The following VMP1 variants were observed in gnomAD, a reference collection of about 807,000 sequenced individuals.
VMP1 encodes the protein ectopic P-granules autophagy protein 3 homolog.
VMP1 carries 11 observed loss-of-function variants against 56.0 expected under a neutral mutation model. The ratio of observed to expected loss-of-function variants is 0.20; its 90% CI spans 0.12 to 0.32. The LOEUF is 0.32. VMP1 is among the 10% of genes least tolerant of loss of function. The pLI, the probability that VMP1 is intolerant of heterozygous loss-of-function variation, is 1.00. For synonymous variants in VMP1, 149 were observed against 165.0 expected (o/e 0.90, Z 0.74); for missense variants, 296 against 490.3 (o/e 0.60, Z 3.74).
chr17:59,744,360 G>C (rs2035340911), intron 5 of VMP1, among the ~76,000 whole-genome samples: 1 of 150,726 alleles, frequency 6.6e-6, no homozygotes. Context: ...TACTCAGGAG[G>C]CTGAGGCAGG....
At chr17:59,786,384 C>T (rs1663179479) in intron 7 of VMP1, among the ~76,000 whole-genome samples, 1 of 152,152 alleles carries the variant, frequency 6.6e-6, no homozygotes, top group African/African-American at 2.4e-5. Flanking sequence ...GAAGTGTGTG[C>T]GGTTGCAGTT....
rs754107076 is a variant in VMP1 at position 59,841,912 on chromosome 17, A to G, written c.*2001A>G. 1.3e-5 allele frequency: 2 copies of G among 152,238 alleles called. No individual in the cohort carries two copies. Among genetic ancestry groups the G allele is most frequent in the African/African-American group, 4.8e-5 (2 of 41,456 alleles). 9.4% of individuals were successfully genotyped at this position (152,238 alleles called of 1,614,324 possible). The stretch of plus-strand genomic sequence containing the variant: ...ATTTTGTTTCCTAGGTTGAAGGTCT[A>G]ATTGATACGTTTGACTTATGATGAC... On this transcript the variant is annotated 3_prime_UTR_variant, in exon 12 of 12. Transcript: ENST00000262291.
At position 59,738,963 on chromosome 17, in the gene VMP1, T is replaced by C. The variant is rs2035113391; in HGVS notation, c.414+16T>C. Reference sequence around the variant, plus strand: ...GCTTTATCTGGTAAGAATAATTTTATTTTAATAAGCAAAAATGATATTTCC... The same window carrying C: ...GCTTTATCTGGTAAGAATAATTTTACTTTAATAAGCAAAAATGATATTTCC... On this transcript the variant is annotated intron_variant, in intron 5 of 11. Coordinates refer to ENST00000262291, the MANE Select transcript of VMP1 (RefSeq NM_030938.5). 1 of 1,538,568 alleles carries C rather than the reference T, an allele frequency of 6.5e-7. No homozygotes were observed. Among genetic ancestry groups the C allele is most frequent in the Middle Eastern group, 1.7e-4 (1 of 5,836 alleles).
chr17:59,760,808 A>T (rs572663813), intron 5 of VMP1, among the ~76,000 whole-genome samples: 80 of 152,052 alleles, frequency 5.3e-4, no homozygotes, highest in African/African-American at 1.9e-3. Context: ...TTTAGTAGGG[A>T]TGGGGTTTCA....
At chr17:59,793,924 CT>C (rs1382470222) in intron 7 of VMP1, among the ~76,000 whole-genome samples, 7 of 148,774 alleles carry the variant, frequency 4.7e-5, no homozygotes, top group South Asian at 4.3e-4. Context: ...CGCATTTGCC[CT>C]TTTTTTGTTT....
At chr17:59,838,100 CTTTTTT>C (rs371074488) in intron 10 of VMP1, 189 bp from the exon 11 acceptor site, 15 of 129,336 alleles carry the variant, frequency 1.2e-4, no homozygotes, top group East Asian at 1.8e-4. Flanking sequence ...AGTAAATTTT[CTTTTTT>C]TTTTTTTTTT....
chr17:59,807,322 C>T (rs949747578), intron 7 of VMP1, among the ~76,000 whole-genome samples: 2 of 151,596 alleles, frequency 1.3e-5, no homozygotes, highest in African/African-American at 4.8e-5. Flanking sequence ...CTCAGCCTCC[C>T]GAGTAGCTGG....
intron 5 of VMP1, among the ~76,000 whole-genome samples, chr17:59,754,257 G>A (rs1190242849): frequency 6.6e-6 from 1 of 152,084 alleles, no homozygotes; most frequent in African/African-American, 2.4e-5. Context: ...GACCTCCTCT[G>A]TATATGGCAC....
At chr17:59,829,558 A>G (rs1467363684) in intron 10 of VMP1, among the ~76,000 whole-genome samples, 4 of 152,202 alleles carry the variant, frequency 2.6e-5, no homozygotes, top group African/African-American at 9.7e-5. Context: ...GGAAATGACA[A>G]CTCATTAAAA....
chr17:59,710,857 G>T (rs1320866904), intron 1 of VMP1, among the ~76,000 whole-genome samples: 1 of 152,144 alleles, frequency 6.6e-6, no homozygotes, highest in Non-Finnish European at 1.5e-5. Context: ...GATCACCTGA[G>T]ATCAGGAGTT....
chr17:59,767,619 T>C (rs2036277953), intron 6 of VMP1, among the ~76,000 whole-genome samples: 1 of 152,180 alleles, frequency 6.6e-6, no homozygotes, highest in Non-Finnish European at 1.5e-5. Context: ...GGCCAACAAA[T>C]GAAAACCACT....
chr17:59,779,269 A>ATACC (rs2036736952), intron 7 of VMP1, among the ~76,000 whole-genome samples: 1 of 152,200 alleles, frequency 6.6e-6, no homozygotes, highest in Non-Finnish European at 1.5e-5. Flanking sequence ...CTATCTGTGA[A>ATACC]TACCTACACA....
At chr17:59,822,642 C>T (rs943667356) in intron 10 of VMP1, among the ~76,000 whole-genome samples, 6 of 151,966 alleles carry the variant, frequency 3.9e-5, no homozygotes, top group Non-Finnish European at 7.4e-5. Context: ...CTTTTAAATA[C>T]AAGTGTTCAA....
intron 7 of VMP1, among the ~76,000 whole-genome samples, chr17:59,793,925 T>C (rs908556828): frequency 2.0e-5 from 3 of 150,650 alleles, no homozygotes; most frequent in South Asian, 2.1e-4. Flanking sequence ...GCATTTGCCC[T>C]TTTTTTGTTT....
chr17:59,811,012 A>G (rs964469436), intron 8 of VMP1, among the ~76,000 whole-genome samples: 3 of 152,234 alleles, frequency 2.0e-5, no homozygotes, highest in African/African-American at 7.2e-5. Flanking sequence ...TATTCAAAAC[A>G]TCTGAATCTG....
At chr17:59,808,732 G>A (rs2037934203) in intron 7 of VMP1, 64 bp from the exon 8 acceptor site, 1 of 1,360,688 alleles carries the variant, frequency 7.3e-7, no homozygotes. Flanking sequence ...ATAAACTCTA[G>A]AAAGAACCAT....
intron 10 of VMP1, among the ~76,000 whole-genome samples, chr17:59,818,303 G>T (rs2144261167): frequency 6.6e-6 from 1 of 152,230 alleles, no homozygotes; most frequent in East Asian, 1.9e-4. Flanking sequence ...GGAGGCAGAG[G>T]TTGCAGTGAG....
At chr17:59,780,562 GTTGT>G (rs991295284) in intron 7 of VMP1, among the ~76,000 whole-genome samples, 4 of 152,020 alleles carry the variant, frequency 2.6e-5, no homozygotes, top group Admixed American at 6.6e-5. Context: ...GATTTTTCGT[GTTGT>G]TTGTTTTTGT....
intron 10 of VMP1, among the ~76,000 whole-genome samples, chr17:59,836,520 C>T (rs994440282): frequency 6.6e-6 from 1 of 152,106 alleles, no homozygotes; most frequent in Non-Finnish European, 1.5e-5. Context: ...TTAACAACTT[C>T]ACCCCTCACT....
Sources: allele counts gnomAD v4.1 joint callset (sites outside exome capture counted in the v4.1 genomes callset), GRCh38; gene constraint gnomAD v4.1.1; transcripts MANE v1.5; gene names NCBI Gene and HGNC (gene_info 2026-07-23, HGNC 2026-07-21).